SDK1: variants seen among roughly 807,000 people sequenced by gnomAD.
The protein encoded by SDK1 is protein sidekick-1.
Under a neutral mutation model 245.5 loss-of-function variants are expected in SDK1, and 157 were observed. The observed-to-expected ratio is 0.64, with a 90% confidence interval of 0.56 to 0.73. The LOEUF (loss-of-function observed/expected upper bound fraction) is 0.73, where lower values mean the gene tolerates loss of function less well. Among genes scored for constraint, SDK1 ranks in the 30% least tolerant of loss-of-function variants. The probability of loss-of-function intolerance (pLI) is 0.00; values close to 1 mark genes in which losing one functional copy is unlikely to be tolerated. For missense variants in SDK1, 3,583 were observed against 3,002.3 expected, an observed-to-expected ratio of 1.19 and a Z score of -4.52; for synonymous variants, 1,647 against 1,278.5, an observed-to-expected ratio of 1.29 and a Z score of -6.15.
intron 13 of SDK1, among the ~76,000 whole-genome samples, chr7:3,977,922 T>C (rs1463255275): frequency 6.6e-6 from 1 of 152,214 alleles, no homozygotes; most frequent in East Asian, 1.9e-4. Context: ...CGGGCCTCCT[T>C]CTGTTCCCTA....
chr7:3,341,263 C>T (rs4131987), intron 1 of SDK1, among the ~76,000 whole-genome samples: 88,797 of 152,026 alleles, frequency 0.58, 27,021 homozygotes, highest in African/African-American at 0.77. Flanking sequence ...GAAAAATCAG[C>T]ATCTATCAGT....
chr7:3,497,662 T>C (rs968087309), intron 1 of SDK1, among the ~76,000 whole-genome samples: 9 of 152,222 alleles, frequency 5.9e-5, no homozygotes, highest in Admixed American at 1.3e-4. Context: ...TTATATTGTT[T>C]GTAGTAAGAT....
At chr7:4,238,193 C>T (rs1453441612) in intron 42 of SDK1, among the ~76,000 whole-genome samples, 3 of 152,090 alleles carry the variant, frequency 2.0e-5, no homozygotes, top group African/African-American at 7.2e-5. Flanking sequence ...GATTCTCCTG[C>T]CTCAGCCTCC....
chr7:4,098,824 CTTTTTTTTTTTTTTTTT>C (rs58678214), intron 22 of SDK1, among the ~76,000 whole-genome samples: 4 of 82,852 alleles, frequency 4.8e-5, no homozygotes, highest in Non-Finnish European at 8.5e-5. Flanking sequence ...CCACAATGCC[CTTTTTTTTTTTTTTTTT>C]TTTTTTTTTT....
chr7:4,087,579 G>A (rs1385127404), intron 22 of SDK1, among the ~76,000 whole-genome samples: 3 of 152,092 alleles, frequency 2.0e-5, no homozygotes, highest in Non-Finnish European at 2.9e-5. Flanking sequence ...TCAGGATCAT[G>A]CTACCTCTTT....
At chr7:3,634,747 A>G (rs56843848) in intron 2 of SDK1, among the ~76,000 whole-genome samples, 3,736 of 152,272 alleles carry the variant, frequency 0.025, 162 homozygotes, top group African/African-American at 0.085. Context: ...AACTTTCTTC[A>G]TATTTTTTCC....
intron 1 of SDK1, among the ~76,000 whole-genome samples, chr7:3,320,818 A>G (rs1399348753): frequency 6.6e-6 from 1 of 152,146 alleles, no homozygotes; most frequent in African/African-American, 2.4e-5. Flanking sequence ...AAGCTTGACC[A>G]AAAAAATGTT....
chr7:3,442,691 G>C (rs536579880), intron 1 of SDK1, among the ~76,000 whole-genome samples: 2 of 152,168 alleles, frequency 1.3e-5, no homozygotes, highest in African/African-American at 2.4e-5. Flanking sequence ...GAAATTAAAA[G>C]TGAGTAATTG....
At chr7:3,782,718 C>T (rs1394473294) in intron 4 of SDK1, among the ~76,000 whole-genome samples, 1 of 152,092 alleles carries the variant, frequency 6.6e-6, no homozygotes, top group Non-Finnish European at 1.5e-5. Context: ...ATATGTAACG[C>T]AAGGGTATCA....
At chr7:3,932,064 G>GT (rs1409693218) in intron 5 of SDK1, among the ~76,000 whole-genome samples, 1 of 152,138 alleles carries the variant, frequency 6.6e-6, no homozygotes, top group African/African-American at 2.4e-5. Context: ...GACCTGCCAC[G>GT]TTTTTAATAG....
At chr7:3,942,904 G>T (rs966403751) in intron 5 of SDK1, among the ~76,000 whole-genome samples, 2 of 152,172 alleles carry the variant, frequency 1.3e-5, no homozygotes, top group Non-Finnish European at 2.9e-5. Context: ...TGAGTCTCAT[G>T]GCTCAGGGAG....
rs1172772951 is a variant in SDK1, at chr7:4,114,155, G to A, written c.3704G>A (p.Arg1235Lys). ...VAQVVSDRLE[R>K]EFTIEELEEW... ...CAAGTCGTCAGTGACCGGCTGGAGA[G>A]AGAATTCACCATCGAGGAGCTGGAG... Residue 1235 changes from arginine to lysine, a missense_variant, in exon 25 of 45, where the codon AGA (arginine) becomes AAA (lysine). Physicochemically the swap from Arg to Lys is conservative, Grantham distance 26 (BLOSUM62 2). Coordinates refer to ENST00000404826, the MANE Select transcript of SDK1 (RefSeq NM_152744.4). 3 of 1,614,242 alleles carry A rather than the reference G, an allele frequency of 1.9e-6. No homozygotes were observed. Among genetic ancestry groups the A allele is most frequent in the Admixed American group, 3.3e-5 (2 of 60,036 alleles).
chr7:3,638,005 C>T (rs1018660362), intron 2 of SDK1, among the ~76,000 whole-genome samples: 1 of 152,236 alleles, frequency 6.6e-6, no homozygotes, highest in Non-Finnish European at 1.5e-5. Context: ...TTTGGAAATT[C>T]TGATGTTCTA....
intron 1 of SDK1, among the ~76,000 whole-genome samples, chr7:3,519,534 T>C (rs1324616653): frequency 6.6e-6 from 1 of 152,114 alleles, no homozygotes; most frequent in Non-Finnish European, 1.5e-5. Flanking sequence ...GTTTTGGGCA[T>C]GATTTAAAGC....
intron 1 of SDK1, among the ~76,000 whole-genome samples, chr7:3,615,992 C>CTTGG (rs1781758289): frequency 6.6e-6 from 1 of 152,036 alleles, no homozygotes; most frequent in Admixed American, 6.6e-5. Context: ...TCAAGTAATC[C>CTTGG]CTCCACCTCA....
intron 5 of SDK1, among the ~76,000 whole-genome samples, chr7:3,882,149 G>A (rs143809646): frequency 8.5e-5 from 13 of 152,174 alleles, no homozygotes; most frequent in South Asian, 8.3e-4. Context: ...ACTTATTCAC[G>A]ACCACGAGAA....
At chr7:3,625,760 T>C (rs1364265971) in intron 2 of SDK1, among the ~76,000 whole-genome samples, 1 of 152,180 alleles carries the variant, frequency 6.6e-6, no homozygotes, top group African/African-American at 2.4e-5. Flanking sequence ...CAGCTAAACC[T>C]GCTGGCTGTG....
chr7:3,350,850 T>C (rs189109217), intron 1 of SDK1, among the ~76,000 whole-genome samples: 39 of 152,322 alleles, frequency 2.6e-4, no homozygotes, highest in Admixed American at 1.8e-3. Context: ...AAATAGTTTT[T>C]TCCCCCCATT....
intron 32 of SDK1, among the ~76,000 whole-genome samples, chr7:4,165,436 G>A (rs1009099328): frequency 6.6e-6 from 1 of 152,146 alleles, no homozygotes; most frequent in African/African-American, 2.4e-5. Context: ...TTAGTAGACT[G>A]TCAGGCTTGA....
Sources: allele counts gnomAD v4.1 joint callset (sites outside exome capture counted in the v4.1 genomes callset), GRCh38; gene constraint gnomAD v4.1.1; transcripts MANE v1.5; gene names NCBI Gene and HGNC (gene_info 2026-07-23, HGNC 2026-07-21).